The following CA10 variants were observed in gnomAD, a reference collection of about 807,000 sequenced individuals.
CA10 encodes the protein carbonic anhydrase-related protein 10.
In CA10, 14 loss-of-function variants were observed where a neutral mutation model predicts 44.2. The ratio of observed to expected loss-of-function variants is 0.32; its 90% CI spans 0.21 to 0.50. The LOEUF (loss-of-function observed/expected upper bound fraction) is 0.50, where lower values mean the gene tolerates loss of function less well. CA10 is among the 20% of genes least tolerant of loss of function. The pLI is 0.99. For missense variants in CA10, 350 were observed against 409.7 expected, an observed-to-expected ratio of 0.85 and a Z score of 1.26; for synonymous variants, 159 against 141.6, an observed-to-expected ratio of 1.12 and a Z score of -0.87.
intron 3 of CA10, among the ~76,000 whole-genome samples, chr17:51,802,394 G>T (rs1338985980): frequency 6.6e-6 from 1 of 151,942 alleles, no homozygotes; most frequent in African/African-American, 2.4e-5. Context: ...CTCCAAAAAG[G>T]CTTTGTCTAA....
intron 3 of CA10, among the ~76,000 whole-genome samples, chr17:51,768,205 CT>C (rs1400853698): frequency 7.0e-6 from 1 of 142,656 alleles, no homozygotes; most frequent in Non-Finnish European, 1.5e-5. Context: ...TATTTTGCTT[CT>C]GGTAGCAGCA....
At chr17:52,145,487 A>G (rs1989564009) in intron 1 of CA10, among the ~76,000 whole-genome samples, 1 of 152,198 alleles carries the variant, frequency 6.6e-6, no homozygotes, top group South Asian at 2.1e-4. Context: ...AACATGTCCT[A>G]ACTTCCATCC....
intron 1 of CA10, among the ~76,000 whole-genome samples, chr17:52,102,637 T>C (rs914398554): frequency 2.0e-5 from 3 of 152,206 alleles, no homozygotes; most frequent in African/African-American, 7.2e-5. Context: ...GATATCTTCC[T>C]TGCCTTGCTT....
intron 1 of CA10, among the ~76,000 whole-genome samples, chr17:52,122,890 A>G (rs1989041393): frequency 6.6e-6 from 1 of 152,206 alleles, no homozygotes; most frequent in Admixed American, 6.5e-5. Context: ...AGTAATTCCC[A>G]GGCTTTATAC....
chr17:51,750,583 G>A (rs1417813509), intron 3 of CA10, among the ~76,000 whole-genome samples: 2 of 152,030 alleles, frequency 1.3e-5, no homozygotes, highest in Non-Finnish European at 2.9e-5. Context: ...ATTTCATTAT[G>A]CAAATTCCAG....
chr17:51,700,605 G>A (rs909586718), intron 4 of CA10, among the ~76,000 whole-genome samples: 1 of 152,096 alleles, frequency 6.6e-6, no homozygotes, highest in African/African-American at 2.4e-5. Context: ...TCACGTCTCC[G>A]TGAAGCCTGT....
intron 4 of CA10, among the ~76,000 whole-genome samples, chr17:51,717,823 GTGTGTGTA>G (rs1567815593): frequency 2.0e-4 from 2 of 9,968 alleles, no homozygotes; most frequent in African/African-American, 7.4e-4. Flanking sequence ...GTATATATAT[GTGTGTGTA>G]TATATATATA....
rs187210886 is a variant in CA10, at chr17:52,121,178, G to A, written c.61+36548C>T. 2.0e-5 allele frequency among the ~76,000 whole-genome samples: 3 copies of A among 152,208 alleles called. No homozygotes were observed. In the East Asian group the frequency reaches 5.8e-4, roughly 29 times the overall value. On this transcript the variant is annotated intron_variant, in intron 1 of 8. Transcript: ENST00000451037. ...TTCCATATAGCAGATAGCCTCAAAA[G>A]GCTGAATCACCTCCTCTCTTGCAGA...
intron 3 of CA10, among the ~76,000 whole-genome samples, chr17:51,917,145 A>G (rs1037852450): frequency 6.6e-6 from 1 of 152,206 alleles, no homozygotes; most frequent in Non-Finnish European, 1.5e-5. Flanking sequence ...AAGGGGGCTT[A>G]TATGTAGCAT....
intron 3 of CA10, among the ~76,000 whole-genome samples, chr17:51,790,333 C>T (rs1162381306): frequency 3.3e-5 from 5 of 152,036 alleles, no homozygotes; most frequent in Non-Finnish European, 7.4e-5. Flanking sequence ...CTGGCTCCTG[C>T]GTGAAACAGG....
intron 3 of CA10, among the ~76,000 whole-genome samples, chr17:51,868,739 C>G (rs1463684535): frequency 6.6e-6 from 1 of 152,144 alleles, no homozygotes; most frequent in African/African-American, 2.4e-5. Flanking sequence ...ACAAATAACA[C>G]TTATGAGCAG....
chr17:51,958,757 A>G (rs1983761398), intron 2 of CA10, among the ~76,000 whole-genome samples: 2 of 152,194 alleles, frequency 1.3e-5, no homozygotes, highest in Non-Finnish European at 2.9e-5. Context: ...GTAAAAACAA[A>G]GCAAACAAAA....
intron 2 of CA10, among the ~76,000 whole-genome samples, chr17:51,948,902 C>T (rs1247751063): frequency 6.6e-6 from 1 of 151,992 alleles, no homozygotes; most frequent in Admixed American, 6.6e-5. Flanking sequence ...GATTAATCTG[C>T]ATCTATTAAA....
intron 1 of CA10, among the ~76,000 whole-genome samples, chr17:52,138,334 G>A (rs1056018862): frequency 9.2e-5 from 14 of 151,978 alleles, no homozygotes; most frequent in African/African-American, 3.1e-4. Context: ...CCAATCTCAA[G>A]ATCTTTAATC....
intron 3 of CA10, among the ~76,000 whole-genome samples, chr17:51,923,121 A>T (rs978862657): frequency 5.9e-5 from 9 of 152,206 alleles, no homozygotes; most frequent in African/African-American, 2.2e-4. Flanking sequence ...GTGTAAAAAG[A>T]CCTTTGGTGC....
intron 3 of CA10, among the ~76,000 whole-genome samples, chr17:51,881,081 A>T (rs1310325152): frequency 2.7e-5 from 4 of 148,784 alleles, no homozygotes; most frequent in African/African-American, 7.4e-5. Context: ...ACTAAAAATT[A>T]AAAAAAAAAT....
At chr17:52,026,224 G>A (rs1030208160) in intron 2 of CA10, among the ~76,000 whole-genome samples, 1 of 152,112 alleles carries the variant, frequency 6.6e-6, no homozygotes, top group Non-Finnish European at 1.5e-5. Flanking sequence ...GGGGCCCCAT[G>A]CAGCTGAGGA....
chr17:51,761,949 T>A (rs1989800), intron 3 of CA10: 52,570 of 151,954 alleles, frequency 0.35, 10,266 homozygotes, highest in East Asian at 0.49. Context: ...ACTGCATGCA[T>A]CCTTTCTAGA....
intron 4 of CA10, among the ~76,000 whole-genome samples, chr17:51,663,782 G>A (rs1597970972): frequency 6.6e-6 from 1 of 152,142 alleles, no homozygotes; most frequent in Non-Finnish European, 1.5e-5. Context: ...ATGAAGTGAC[G>A]TGTTAAGTTC....
Sources: allele counts gnomAD v4.1 joint callset (sites outside exome capture counted in the v4.1 genomes callset), GRCh38; gene constraint gnomAD v4.1.1; transcripts MANE v1.5; gene names NCBI Gene and HGNC (gene_info 2026-07-23, HGNC 2026-07-21).